The following NET1 variants were observed in gnomAD, a reference collection of about 807,000 sequenced individuals.
The protein encoded by NET1 is neuroepithelial cell transforming 1.
Under a neutral mutation model 61.1 loss-of-function variants are expected in NET1, and 42 were observed. The observed-to-expected ratio is 0.69, with a 90% CI of 0.54 to 0.89. The LOEUF is 0.89. Ranked by LOEUF, NET1 falls within the 40% of genes least tolerant of loss-of-function variation. The pLI is 0.00. For missense variants in NET1, 654 were observed against 747.3 expected (o/e 0.88, Z 1.46); for synonymous variants, 254 against 281.8 (o/e 0.90, Z 0.99).
At chr10:5,430,889 T>TTTTA (rs1832338459) in intron 3 of NET1, among the ~76,000 whole-genome samples, 2 of 150,710 alleles carry the variant, frequency 1.3e-5, no homozygotes, top group African/African-American at 4.9e-5. Flanking sequence ...TTTTTTTTTT[T>TTTTA]GAGACAGAGT....
chr10:5,436,246 ATATTTTTT>A (rs536900577), intron 3 of NET1, among the ~76,000 whole-genome samples: 9,470 of 33,996 alleles, frequency 0.28, 1,095 homozygotes, highest in Admixed American at 0.37. Flanking sequence ...ATATATATAT[ATATTTTTT>A]TTTTTTTTTT....
rs1832489884 is a variant in NET1 at position 5,439,440 on chromosome 10, A to G, written c.255+10211A>G. On this transcript the variant is annotated intron_variant, in intron 3 of 11. Coordinates refer to ENST00000355029, the MANE Select transcript of NET1 (RefSeq NM_001047160.3). This position sits in a 1 kb window ranked among gnomAD's most constrained non-coding sequence, Gnocchi z 4.8. ...ACTAGGTTACATGGCAGTCTGGGCCATCTGTTCATGTTATATACTGATGCC... is the reference window on the plus strand; with the variant it reads ...ACTAGGTTACATGGCAGTCTGGGCCGTCTGTTCATGTTATATACTGATGCC... Among the ~76,000 whole-genome samples, 1 of 152,240 alleles carries G rather than the reference A, an allele frequency of 6.6e-6. No homozygotes were observed. The highest frequency in any genetic ancestry group is 1.5e-5 in the Non-Finnish European group (1 of 68,038).
rs898006530 is a variant in NET1 at position 5,426,376 on chromosome 10, A to G, written c.129-279A>G. On this transcript the variant is annotated intron_variant, in intron 1 of 11. Coordinates refer to ENST00000355029, the MANE Select transcript of NET1 (RefSeq NM_001047160.3). This position sits in a 1 kb window ranked among gnomAD's most constrained non-coding sequence, Gnocchi z 4.6. The stretch of plus-strand genomic sequence containing the variant: ...AACTATATGTATGTTCCTAAGGTAA[A>G]CTCTGTTGAGTTTGGCAAATTACTT... Among the ~76,000 whole-genome samples, 4 of 152,094 alleles carry G rather than the reference A, an allele frequency of 2.6e-5. No homozygotes were observed. The highest frequency in any genetic ancestry group is 5.9e-5 in the Non-Finnish European group (4 of 67,986).
rs1471845223 is a variant in NET1 at position 5,412,816 on chromosome 10, G to T, written c.124G>T (p.Gly42Trp). Residue 42 changes from glycine to tryptophan, a missense_variant, in exon 1 of 12, where the codon GGG (glycine) becomes TGG (tryptophan). By Grantham distance (184) the Gly-to-Trp change is radical (BLOSUM62 -2). Transcript: ENST00000355029. The surrounding 1 kb of genome is among the most constrained non-coding windows in gnomAD (Gnocchi z 6.5). ...CGACACCTCCGGGTCGGAGCTGGACGGGAGGTGAGTGTGGGGGAGGGGAGG... is the reference window on the plus strand; with the variant it reads ...CGACACCTCCGGGTCGGAGCTGGACTGGAGGTGAGTGTGGGGGAGGGGAGG... ...SADTSGSELD[G>W]RCSLRRGSSF... is the part of the protein sequence containing the mutation. The T allele has an allele frequency of 2.8e-6, 4 of 1,424,382 alleles. No homozygotes were observed. The highest frequency in any genetic ancestry group is 3.7e-6 in the Non-Finnish European group (4 of 1,092,618). 88.2% of individuals were successfully genotyped at this position (1,424,382 alleles called of 1,614,324 possible). A position where few individuals can be genotyped will look rare whatever the true frequency, so the allele number is the denominator to read the frequency against.
rs1163387570 is a variant in NET1 at position 5,435,715 on chromosome 10, T to G, written c.255+6486T>G. The stretch of plus-strand genomic sequence containing the variant: ...GGATATCTTATATGAAGAATTTAAT[T>G]CTGATGTCAATTGAATTTTCATGTT... On this transcript the variant is annotated intron_variant, in intron 3 of 11. Coordinates refer to ENST00000355029, the MANE Select transcript of NET1 (RefSeq NM_001047160.3). The surrounding 1 kb of genome is among the most constrained non-coding windows in gnomAD (Gnocchi z 5.0). Among the ~76,000 whole-genome samples, 1 of 152,220 alleles carries G rather than the reference T, an allele frequency of 6.6e-6. No individual in the cohort carries two copies. Among genetic ancestry groups the G allele is most frequent in the African/African-American group, 2.4e-5 (1 of 41,460 alleles).
In NET1 at chr10:5,427,903, C is replaced by T. The variant is rs1248576821; in HGVS notation, c.195+1182C>T. ...ATTTTAGTGTGAATTTAGTTTTCAA[C>T]TTGTACACAAAATCTTGGTTCAGAT... On this transcript the variant is annotated intron_variant, in intron 2 of 11. Coordinates refer to ENST00000355029, the MANE Select transcript of NET1 (RefSeq NM_001047160.3). The surrounding 1 kb of genome is among the most constrained non-coding windows in gnomAD (Gnocchi z 4.1). Among the ~76,000 whole-genome samples, 2 of 152,100 alleles carry T rather than the reference C, an allele frequency of 1.3e-5. No homozygotes were observed. Among genetic ancestry groups the T allele is most frequent in the Non-Finnish European group, 2.9e-5 (2 of 68,006 alleles).
Position 5,412,818 on chromosome 10 carries a change from G to A in NET1, c.126G>A (p.Gly42=). Residue 42 remains glycine (G), a splice_region_variant and synonymous_variant, in exon 1 of 12, where the codon GGG becomes GGA. Coordinates refer to ENST00000355029, the MANE Select transcript of NET1 (RefSeq NM_001047160.3). This position sits in a 1 kb window ranked among gnomAD's most constrained non-coding sequence, Gnocchi z 6.5. ...SADTSGSELD[G]RCSLRRGSSF... is the part of the protein sequence containing the mutation. ...ACACCTCCGGGTCGGAGCTGGACGG[G>A]AGGTGAGTGTGGGGGAGGGGAGGGC... is the stretch of plus-strand genomic sequence containing the variant. 1 of 1,421,044 alleles carries A rather than the reference G, an allele frequency of 7.0e-7. No homozygotes were observed. The highest frequency in any genetic ancestry group is 3.2e-5 in the Admixed American group (1 of 30,914). The allele number at this position is 1,421,044 out of a possible 1,614,324, so 88.0% of individuals were successfully genotyped here. A position where few individuals can be genotyped will look rare whatever the true frequency, so the allele number is the denominator to read the frequency against.
Position 5,456,557 on chromosome 10 carries a change from TTTC to T in NET1, c.1385-28_1385-26del, listed in dbSNP as rs746269795. On this transcript the variant is annotated intron_variant, in intron 11 of 11. Coordinates refer to ENST00000355029, the MANE Select transcript of NET1 (RefSeq NM_001047160.3). This position sits in a 1 kb window ranked among gnomAD's most constrained non-coding sequence, Gnocchi z 7.0. ...TAGAATAAACCTTTTTTTAGCCTGA[TTTC>T]TTTTTTTTTTCCAATTTTTTTTTTC... 1.2e-5 allele frequency: 18 copies of T among 1,512,248 alleles called. No homozygotes were observed. The highest frequency in any genetic ancestry group is 1.4e-5 in the Non-Finnish European group (16 of 1,130,422). 93.7% of individuals were successfully genotyped at this position (1,512,248 alleles called of 1,614,324 possible).
chr10:5,429,546 A>C (rs1832315953), intron 3 of NET1, among the ~76,000 whole-genome samples: 1 of 152,164 alleles, frequency 6.6e-6, no homozygotes, highest in South Asian at 2.1e-4. Context: ...TGAAAAGGAG[A>C]GCCCCAGGTT....
intron 1 of NET1, among the ~76,000 whole-genome samples, chr10:5,413,937 G>T (rs957780808): frequency 6.6e-6 from 1 of 152,140 alleles, no homozygotes; most frequent in Non-Finnish European, 1.5e-5. Context: ...TTATTATAGT[G>T]ATATACACAG....
At position 5,420,636 on chromosome 10, in the gene NET1, G is replaced by A. The variant is rs111575941; in HGVS notation, c.129-6019G>A. Reference sequence around the variant, plus strand: ...TTTTGAGATGGAGTCTTGCTCTGTCGCCAGGCTGGAGTGCAGTGGCGCGAT... The same window carrying A: ...TTTTGAGATGGAGTCTTGCTCTGTCACCAGGCTGGAGTGCAGTGGCGCGAT... On this transcript the variant is annotated intron_variant, in intron 1 of 11. Coordinates refer to ENST00000355029, the MANE Select transcript of NET1 (RefSeq NM_001047160.3). The surrounding 1 kb of genome is among the most constrained non-coding windows in gnomAD (Gnocchi z 5.3). Among the ~76,000 whole-genome samples, 379 of 151,760 alleles carry A rather than the reference G, an allele frequency of 2.5e-3. No individual in the cohort carries two copies. Among genetic ancestry groups the A allele is most frequent in the African/African-American group, 8.7e-3 (360 of 41,352 alleles).
chr10:5,430,376 CTTTT>C (rs34200273), intron 3 of NET1, among the ~76,000 whole-genome samples: 1 of 139,866 alleles, frequency 7.1e-6, no homozygotes. Context: ...TAGATAAAAA[CTTTT>C]TTTTTTTTTT....
rs779084925 is a variant in NET1 at position 5,441,911 on chromosome 10, TTAAC to T, written c.256-9914_256-9911del. Among the ~76,000 whole-genome samples the T allele has an allele frequency of 9.2e-5, 14 of 152,344 alleles. No homozygotes were observed. Among genetic ancestry groups the T allele is most frequent in the African/African-American group, 3.1e-4 (13 of 41,590 alleles). Reference sequence around the variant, plus strand: ...TTTAGTAAGATTTAAAATTTTATTTTTAACTAACCTATTTTTAGTGAGATACAGA... The same window carrying T: ...TTTAGTAAGATTTAAAATTTTATTTTTAACCTATTTTTAGTGAGATACAGA... On this transcript the variant is annotated intron_variant, in intron 3 of 11. Coordinates refer to ENST00000355029, the MANE Select transcript of NET1 (RefSeq NM_001047160.3). The surrounding 1 kb of genome is among the most constrained non-coding windows in gnomAD (Gnocchi z 4.6).
intron 3 of NET1, among the ~76,000 whole-genome samples, chr10:5,432,831 T>C (rs570287263): frequency 2.0e-4 from 31 of 152,272 alleles, no homozygotes; most frequent in Non-Finnish European, 4.3e-4. Context: ...TCTTTCTTAA[T>C]GTTTTGTTTG....
At chr10:5,436,707 C>A (rs1043449798) in intron 3 of NET1, among the ~76,000 whole-genome samples, 1 of 151,792 alleles carries the variant, frequency 6.6e-6, no homozygotes, top group Non-Finnish European at 1.5e-5. Flanking sequence ...TTCCAAATAC[C>A]ACTTTTGAGA....
rs543619965 is a variant in NET1, at chr10:5,449,620, TC to T, written c.256-2209del. On this transcript the variant is annotated intron_variant, in intron 3 of 11. Coordinates refer to ENST00000355029, the MANE Select transcript of NET1 (RefSeq NM_001047160.3). The surrounding 1 kb of genome is among the most constrained non-coding windows in gnomAD (Gnocchi z 4.4). ...ATATATTTACATTCACTTATCTAAA[TC>T]TAAATTCTGTAGTTTTAAAATATCA... Among the ~76,000 whole-genome samples the T allele has an allele frequency of 6.1e-3, 931 of 152,352 alleles. 2 individuals are homozygous for T. Among genetic ancestry groups the T allele is most frequent in the Non-Finnish European group, 8.6e-3 (583 of 68,040 alleles).
rs1386970557 is a variant in NET1, at chr10:5,422,252, G to A, written c.129-4403G>A. 4.6e-5 allele frequency among the ~76,000 whole-genome samples: 7 copies of A among 151,992 alleles called. No individual in the cohort carries two copies. Among genetic ancestry groups the A allele is most frequent in the South Asian group, 2.1e-4 (1 of 4,802 alleles). On this transcript the variant is annotated intron_variant, in intron 1 of 11. Coordinates refer to ENST00000355029, the MANE Select transcript of NET1 (RefSeq NM_001047160.3). The surrounding 1 kb of genome is among the most constrained non-coding windows in gnomAD (Gnocchi z 4.1). ...CTCGGGAGATTGAGGCAGGAGAATC[G>A]CTTGAACCCTGGAGGCGGAGGTTGT...
Position 5,446,706 on chromosome 10 carries a change from C to A in NET1, c.256-5124C>A. 1 of 1,476,732 alleles carries A rather than the reference C, an allele frequency of 6.8e-7. No homozygotes were observed. Among genetic ancestry groups the A allele is most frequent in the South Asian group, 1.5e-5 (1 of 68,856 alleles). 91.5% of individuals were successfully genotyped at this position (1,476,732 alleles called of 1,614,324 possible). On this transcript the variant is annotated intron_variant, in intron 3 of 11. Transcript: ENST00000355029. This position sits in a 1 kb window ranked among gnomAD's most constrained non-coding sequence, Gnocchi z 5.0. ...AAGCCCGTGTGCCTCTGCATAGCGT[C>A]GCTACAGCGCTGACTCGGTGTGGAT...
In NET1 at chr10:5,449,858, A is replaced by T. The variant is rs910903208; in HGVS notation, c.256-1972A>T. 1.4e-4 allele frequency among the ~76,000 whole-genome samples: 21 copies of T among 152,370 alleles called. No individual in the cohort carries two copies. Among genetic ancestry groups the T allele is most frequent in the Non-Finnish European group, 2.8e-4 (19 of 68,032 alleles). On this transcript the variant is annotated intron_variant, in intron 3 of 11. Transcript: ENST00000355029. This position sits in a 1 kb window ranked among gnomAD's most constrained non-coding sequence, Gnocchi z 4.4. ...TAAATATTATATTTTCTGGGAAGTCAAATTTGTTATGCATGAAACAAGGAA... is the reference window on the plus strand; with the variant it reads ...TAAATATTATATTTTCTGGGAAGTCTAATTTGTTATGCATGAAACAAGGAA...
Sources: gnomAD v4.1 joint callset for allele counts (sites outside exome capture counted in the v4.1 genomes callset) on GRCh38, gnomAD v4.1.1 for gene constraint, Gnocchi (gnomAD v3.1) non-coding constraint, MANE v1.5 for transcripts, NCBI Gene and HGNC (gene_info 2026-07-23, HGNC 2026-07-21) for gene names.